The following CPD variants were observed in gnomAD, a reference collection of about 807,000 sequenced individuals.
The protein encoded by CPD is metallocarboxypeptidase D.
A neutral mutation model predicts 138.3 loss-of-function variants in CPD; 69 were observed. The observed-to-expected ratio is 0.50, with a 90% CI of 0.41 to 0.61. CPD has a LOEUF of 0.61. CPD is among the 20% of genes least tolerant of loss of function. The pLI is 0.00. For missense variants in CPD, 1,432 were observed against 1,733.3 expected, an observed-to-expected ratio of 0.83 and a Z score of 3.09; for synonymous variants, 651 against 642.1, an observed-to-expected ratio of 1.01 and a Z score of -0.21.
chr17:30,451,564 TTTAA>T, intron 13 of CPD, 143 bp from the exon 14 acceptor site: 1 of 715,362 alleles, frequency 1.4e-6, no homozygotes, highest in Non-Finnish European at 2.2e-6. Flanking sequence ...CAAAAGGAAA[TTTAA>T]TTTTTTATTT....
intron 2 of CPD, among the ~76,000 whole-genome samples, chr17:30,403,847 A>G (rs758458857): frequency 2.0e-5 from 3 of 152,184 alleles, no homozygotes; most frequent in East Asian, 3.9e-4. Flanking sequence ...TTAATCACCA[A>G]AAAACAAGAA....
rs1911932751 is a variant in CPD, at chr17:30,410,460, T to TA, written c.995-10378dup. ...CTGTCTAATGTTGATAGTGGGGTGT[T>TA]AAAGTCTCCCATTATCATTGTGTGG... On this transcript the variant is annotated intron_variant, in intron 2 of 20. Transcript: ENST00000225719. 3.9e-5 allele frequency among the ~76,000 whole-genome samples: 6 copies of TA among 152,300 alleles called. No individual in the cohort carries two copies. In the South Asian group the frequency reaches 1.0e-3, roughly 26 times the overall value.
chr17:30,432,654 C>T (rs780287743), intron 8 of CPD, among the ~76,000 whole-genome samples: 12 of 152,012 alleles, frequency 7.9e-5, no homozygotes, highest in Admixed American at 7.2e-4. Flanking sequence ...TGCCTGAAAT[C>T]GTAGCACTTT....
At chr17:30,451,158 A>C (rs1415915252) in intron 13 of CPD, among the ~76,000 whole-genome samples, 1 of 152,226 alleles carries the variant, frequency 6.6e-6, no homozygotes, top group Non-Finnish European at 1.5e-5. Flanking sequence ...GTAAAACTAG[A>C]ATTTAAACCC....
chr17:30,456,342 A>T lies in CPD; in HGVS notation c.3424A>T (p.Asn1142Tyr), dbSNP rs777580072. 1.2e-5 allele frequency: 19 copies of T among 1,614,128 alleles called. No individual in the cohort carries two copies. The East Asian group carries it at 4.0e-4, about 34-fold the overall frequency. ...GCACATGGGTCAGCCCAGTTGCCCA[A>T]ATAAATCAGGTAGATGTTTTCCATA... ...SMHMGQPSCP[N>Y]KSDENIPGGV... Residue 1142 changes from asparagine to tyrosine, a missense_variant, in exon 16 of 21, where the codon AAT becomes TAT. Transcript: ENST00000225719.
rs543903284 is a variant in CPD at position 30,454,800 on chromosome 17, T to A, written c.3206-539T>A. 9 of 152,926 alleles carry A rather than the reference T, an allele frequency of 5.9e-5. No individual in the cohort carries two copies. The South Asian group carries it at 1.9e-3, about 31-fold the overall frequency. The allele number at this position is 152,926 out of a possible 1,614,324, so 9.5% of individuals were successfully genotyped here. On this transcript the variant is annotated intron_variant, in intron 14 of 20. Transcript: ENST00000225719. ...CGGAGGATGAAAGGCACTTCTTACA[T>A]GGCAGTGGCAAGAGAGAATGAGAAG... is the stretch of plus-strand genomic sequence containing the variant.
intron 6 of CPD, 151 bp from the exon 7 acceptor site, chr17:30,427,240 G>T: frequency 1.7e-6 from 1 of 586,810 alleles, no homozygotes; most frequent in Non-Finnish European, 2.9e-6. Context: ...TTATAATTTT[G>T]CAAAGACAGT....
At chr17:30,452,348 G>T in intron 14 of CPD, among the ~76,000 whole-genome samples, 1 of 148,432 alleles carries the variant, frequency 6.7e-6, no homozygotes. Context: ...GTACAATCTT[G>T]GCTCGCCTCC....
intron 6 of CPD, among the ~76,000 whole-genome samples, chr17:30,426,197 C>T (rs918365152): frequency 1.1e-5 from 1 of 88,772 alleles, no homozygotes; most frequent in African/African-American, 5.8e-5. Context: ...GAGGCTCCGT[C>T]TCAAAAAAAA....
At chr17:30,410,324 G>A (rs1450588140) in intron 2 of CPD, among the ~76,000 whole-genome samples, 2 of 152,184 alleles carry the variant, frequency 1.3e-5, no homozygotes, top group African/African-American at 4.8e-5. Flanking sequence ...TGAGAAGAAT[G>A]TATATTCTGT....
intron 2 of CPD, among the ~76,000 whole-genome samples, chr17:30,412,778 G>A (rs1240723397): frequency 6.6e-6 from 1 of 152,198 alleles, no homozygotes; most frequent in African/African-American, 2.4e-5. Context: ...TCCAGGTACA[G>A]TCTGTCATGG....
In CPD at chr17:30,379,592, G is replaced by A. The variant is rs1016751702; in HGVS notation, c.612G>A (p.Gly204=). 1.0e-5 allele frequency: 15 copies of A among 1,482,942 alleles called. No individual in the cohort carries two copies. The highest frequency in any genetic ancestry group is 1.2e-5 in the Non-Finnish European group (14 of 1,131,092). 91.9% of individuals were successfully genotyped at this position (1,482,942 alleles called of 1,614,324 possible). A position where few individuals can be genotyped will look rare whatever the true frequency, so the allele number is the denominator to read the frequency against. Residue 204 remains glycine, a synonymous_variant, in exon 1 of 21, where the codon GGG becomes GGA. Transcript: ENST00000225719. The surrounding 1 kb of genome is among the most constrained non-coding windows in gnomAD (Gnocchi z 7.0). Reference sequence around the variant, plus strand: ...GCTTCGGCGACGGCGGCCCGTCCGGGGCCAGCGGCCGCGACAATAGTCGCG... The same window carrying A: ...GCTTCGGCGACGGCGGCCCGTCCGGAGCCAGCGGCCGCGACAATAGTCGCG... ...DCGFGDGGPS[G]ASGRDNSRGR...
chr17:30,462,154 G>A, intron 19 of CPD, 92 bp downstream of exon 19: 1 of 1,253,966 alleles, frequency 8.0e-7, no homozygotes, highest in Non-Finnish European at 1.1e-6. Context: ...AATCTTGAAG[G>A]GAATAAAGAA....
chr17:30,435,011 A>G (rs543518555), intron 8 of CPD, among the ~76,000 whole-genome samples: 1 of 152,338 alleles, frequency 6.6e-6, no homozygotes, highest in South Asian at 2.1e-4. Context: ...GAGAAGCAGA[A>G]GAAAACTGTT....
intron 12 of CPD, 61 bp from the exon 13 acceptor site, chr17:30,449,491 TA>T: frequency 1.4e-6 from 2 of 1,402,818 alleles, no homozygotes; most frequent in South Asian, 2.8e-5. Flanking sequence ...TTAAAGTCCA[TA>T]AGTCAACATT....
Position 30,466,176 on chromosome 17 carries a change from C to T in CPD, c.*1362C>T, listed in dbSNP as rs1438702293. 6.6e-6 allele frequency: 1 copy of T among 152,554 alleles called. No individual in the cohort carries two copies. Among genetic ancestry groups the T allele is most frequent in the Non-Finnish European group, 1.5e-5 (1 of 68,014 alleles). The allele number at this position is 152,554 out of a possible 1,614,324, so 9.5% of individuals were successfully genotyped here. A position where few individuals can be genotyped will look rare whatever the true frequency, so the allele number is the denominator to read the frequency against. On this transcript the variant is annotated 3_prime_UTR_variant, in exon 21 of 21. Transcript: ENST00000225719. ...TGCTTTTTGTAAGTATGCATCTTACCAATGATGTAACGGTTTAATACCTTT... is the reference window on the plus strand; with the variant it reads ...TGCTTTTTGTAAGTATGCATCTTACTAATGATGTAACGGTTTAATACCTTT...
intron 8 of CPD, among the ~76,000 whole-genome samples, chr17:30,436,448 G>A (rs1265577108): frequency 1.3e-5 from 2 of 152,112 alleles, no homozygotes; most frequent in South Asian, 2.1e-4. Context: ...TCATCCAAGT[G>A]AAAAATAGGC....
rs186416177 is a variant in CPD, at chr17:30,461,082, G to A, written c.3499-98G>A. 4.8e-4 allele frequency: 438 copies of A among 915,874 alleles called. 1 individual carries two copies. Among genetic ancestry groups the A allele is most frequent in the Admixed American group, 1.7e-3 (55 of 32,744 alleles). The allele number at this position is 915,874 out of a possible 1,614,324, so 56.7% of individuals were successfully genotyped here. On this transcript the variant is annotated intron_variant, in intron 17 of 20. Transcript: ENST00000225719. ...CAGCTTCTTTGTTTACGTCAGCTAC[G>A]TTTTCTTTTCATTTACTCCATTTGT...
Position 30,464,817 on chromosome 17 carries a change from AAC to A in CPD, c.*7_*8del. 1 of 1,611,476 alleles carries A rather than the reference AAC, an allele frequency of 6.2e-7. No individual in the cohort carries two copies. ...CATTATATTCTAGCAAACATTGAAAAACACATTTTGCATATCTCCCAGCATAA... is the reference window on the plus strand; with the variant it reads ...CATTATATTCTAGCAAACATTGAAAAACATTTTGCATATCTCCCAGCATAA... On this transcript the variant is annotated 3_prime_UTR_variant, in exon 21 of 21. Transcript: ENST00000225719.
Sources: allele counts gnomAD v4.1 joint callset (sites outside exome capture counted in the v4.1 genomes callset), GRCh38; gene constraint gnomAD v4.1.1; non-coding constraint Gnocchi (gnomAD v3.1); transcripts MANE v1.5; gene names NCBI Gene and HGNC (gene_info 2026-07-23, HGNC 2026-07-21).